Variants in ZNF474 observed in about 807,000 individuals in gnomAD.
The protein encoded by ZNF474 is zinc finger protein 474.
For synonymous variants in ZNF474, 192 were observed against 162.2 expected, an observed-to-expected ratio of 1.18 and a Z score of -1.39; for missense variants, 511 against 433.8, an observed-to-expected ratio of 1.18 and a Z score of -1.58.
At chr5:122,145,507 T>C (rs2152605818) in intron 1 of ZNF474, among the ~76,000 whole-genome samples, 1 of 152,304 alleles carries the variant, frequency 6.6e-6, no homozygotes, top group Middle Eastern at 3.4e-3. Flanking sequence ...CACTTTGCTA[T>C]GGCTTCCTCT....
At chr5:122,142,949 T>C (rs1324996268) in intron 1 of ZNF474, among the ~76,000 whole-genome samples, 1 of 152,164 alleles carries the variant, frequency 6.6e-6, no homozygotes, top group African/African-American at 2.4e-5. Context: ...GCCTGCCTTA[T>C]GGACTCTGCT....
At position 122,152,171 on chromosome 5, in the gene ZNF474, A is replaced by C; in HGVS notation, c.181A>C (p.Lys61Gln). 1.9e-6 allele frequency: 3 copies of C among 1,614,142 alleles called. No homozygotes were observed. The highest frequency in any genetic ancestry group is 2.5e-6 in the Non-Finnish European group (3 of 1,180,026). The change falls in exon 2 of 2, where the codon AAG becomes CAG. Residue 61 changes from lysine to glutamine, a missense_variant. Transcript: ENST00000296600. ...AAATATAAAGACAGACACTCAGAAA[A>C]AGAGACCTGGGACTGTGATACTATC... ...GENIKTDTQK[K>Q]RPGTVILSKL...
rs1756195131 is a variant in ZNF474, at chr5:122,152,051, A to G, written c.61A>G (p.Lys21Glu). Residue 21 changes from lysine (K) to glutamate (E), a missense_variant, in exon 2 of 2, where the codon AAA (lysine) becomes GAA (glutamate). Lys to Glu is a moderately conservative substitution (Grantham distance 56). Coordinates refer to ENST00000296600, the MANE Select transcript of ZNF474 (RefSeq NM_207317.3). ...NKLQQTFHHS[K>E]EPTFLINQAG... ...GTTACAACAAACTTTTCACCATTCT[A>G]AAGAACCCACTTTCCTTATCAACCA... 3 of 1,613,864 alleles carry G rather than the reference A, an allele frequency of 1.9e-6. No individual in the cohort carries two copies. The highest frequency in any genetic ancestry group is 1.1e-5 in the South Asian group (1 of 91,018).
chr5:122,137,133 G>T (rs1369252842), intron 1 of ZNF474, among the ~76,000 whole-genome samples: 1 of 152,130 alleles, frequency 6.6e-6, no homozygotes, highest in Non-Finnish European at 1.5e-5. Flanking sequence ...GAATGAACAT[G>T]AATGGGCATG....
chr5:122,148,060 C>T (rs867510930), intron 1 of ZNF474: 3 of 152,222 alleles, frequency 2.0e-5, no homozygotes, highest in East Asian at 1.9e-4. Context: ...AGCAACATTG[C>T]TTTATGACGT....
At chr5:122,151,000 C>T (rs376225654) in intron 1 of ZNF474, among the ~76,000 whole-genome samples, 1 of 152,058 alleles carries the variant, frequency 6.6e-6, no homozygotes, top group Admixed American at 6.5e-5. Context: ...TTATTAATAC[C>T]CTATTCCCAT....
Position 122,146,596 on chromosome 5 carries a change from G to A in ZNF474, c.-212-5183G>A, listed in dbSNP as rs539961714. 5.9e-4 allele frequency among the ~76,000 whole-genome samples: 89 copies of A among 152,064 alleles called. 1 individual carries two copies. The highest frequency in any genetic ancestry group is 1.0e-3 in the Non-Finnish European group (71 of 68,036). ...TTAGGATGAATTGTGCTAATCACCA[G>A]TATTAAAATACAGATATCTCTCAAT... On this transcript the variant is annotated intron_variant, in intron 1 of 1. Transcript: ENST00000296600.
chr5:122,151,705 A>AC (rs1554065528), intron 1 of ZNF474, 74 bp from the exon 2 acceptor site: 2 of 205,156 alleles, frequency 9.7e-6, no homozygotes, highest in Non-Finnish European at 1.9e-5. Context: ...AACAACCTAA[A>AC]TGTGTGTGTG....
Position 122,144,661 on chromosome 5 carries a change from G to A in ZNF474, c.-212-7118G>A, listed in dbSNP as rs185179144. Among the ~76,000 whole-genome samples the A allele has an allele frequency of 2.0e-4, 31 of 152,318 alleles. 1 individual carries two copies. In the East Asian group the frequency reaches 5.8e-3, roughly 28 times the overall value. On this transcript the variant is annotated intron_variant, in intron 1 of 1. Transcript: ENST00000296600. ...AAACAATATTGAAAAAGACATATTGGTATAGAGCTATCCTGTTGGAAGAAA... is the reference window on the plus strand; with the variant it reads ...AAACAATATTGAAAAAGACATATTGATATAGAGCTATCCTGTTGGAAGAAA...
Position 122,151,948 on chromosome 5 carries a change from G to A in ZNF474, c.-43G>A, listed in dbSNP as rs867632970. The stretch of plus-strand genomic sequence containing the variant: ...CTAAGCAGAAGCCCAAAGTGAGTCT[G>A]GCCTGAAATCAGAGCAAGCACTACA... On this transcript the variant is annotated 5_prime_UTR_variant, in exon 2 of 2. Transcript: ENST00000296600. 43 of 1,567,574 alleles carry A rather than the reference G, an allele frequency of 2.7e-5. 2 individuals carry two copies. The Middle Eastern group carries it at 9.5e-4, about 35-fold the overall frequency.
chr5:122,148,641 T>C (rs551734802), intron 1 of ZNF474, among the ~76,000 whole-genome samples: 1 of 152,242 alleles, frequency 6.6e-6, no homozygotes, highest in African/African-American at 2.4e-5. Context: ...TTTCTGAAGA[T>C]ATTGGTGAAA....
At chr5:122,130,287 G>T (rs1755546336) in intron 1 of ZNF474, among the ~76,000 whole-genome samples, 1 of 152,092 alleles carries the variant, frequency 6.6e-6, no homozygotes, top group African/African-American at 2.4e-5. Flanking sequence ...GGTCACCTCA[G>T]TCAGGGCACG....
chr5:122,135,576 T>C (rs1332128132), intron 1 of ZNF474, among the ~76,000 whole-genome samples: 1 of 152,154 alleles, frequency 6.6e-6, no homozygotes, highest in Admixed American at 6.5e-5. Flanking sequence ...CTATGAACAG[T>C]ATGGAAGTTC....
At chr5:122,145,346 AC>A (rs990279635) in intron 1 of ZNF474, among the ~76,000 whole-genome samples, 12 of 152,274 alleles carry the variant, frequency 7.9e-5, no homozygotes, top group African/African-American at 2.9e-4. Context: ...AGCTGCTCTC[AC>A]ATGGCCTTTC....
chr5:122,151,902 C>T lies in ZNF474; in HGVS notation c.-89C>T. On this transcript the variant is annotated 5_prime_UTR_variant, in exon 2 of 2. Coordinates refer to ENST00000296600, the MANE Select transcript of ZNF474 (RefSeq NM_207317.3). ...GGCAACGGTGTGAACCCCAGGACAA[C>T]TAACCTCACTAACCTTCACTCTAAG... is the stretch of plus-strand genomic sequence containing the variant. 1 of 1,494,228 alleles carries T rather than the reference C, an allele frequency of 6.7e-7. No homozygotes were observed. Among genetic ancestry groups the T allele is most frequent in the African/African-American group, 1.4e-5 (1 of 71,498 alleles). 92.6% of individuals were successfully genotyped at this position (1,494,228 alleles called of 1,614,324 possible).
At chr5:122,134,162 A>G (rs957141048) in intron 1 of ZNF474, among the ~76,000 whole-genome samples, 4 of 152,186 alleles carry the variant, frequency 2.6e-5, no homozygotes, top group African/African-American at 9.6e-5. Context: ...TCTAAATATC[A>G]TTGCACACAA....
chr5:122,135,674 A>G (rs545701290), intron 1 of ZNF474, among the ~76,000 whole-genome samples: 1 of 152,302 alleles, frequency 6.6e-6, no homozygotes, highest in African/African-American at 2.4e-5. Flanking sequence ...CAGTATGCCA[A>G]AGAGATATCT....
rs149122918 is a variant in ZNF474, at chr5:122,136,984, T to C, written c.-213+7301T>C. On this transcript the variant is annotated intron_variant, in intron 1 of 1. Transcript: ENST00000296600. ...AAGTAAGTCTCTATTGTCTCGAAGTTCACATGCAATTTAAAGAGATAAATA... is the reference window on the plus strand; with the variant it reads ...AAGTAAGTCTCTATTGTCTCGAAGTCCACATGCAATTTAAAGAGATAAATA... Among the ~76,000 whole-genome samples, 386 of 152,310 alleles carry C rather than the reference T, an allele frequency of 2.5e-3. 1 individual carries two copies. Among genetic ancestry groups the C allele is most frequent in the African/African-American group, 9.0e-3 (374 of 41,568 alleles).
intron 1 of ZNF474, among the ~76,000 whole-genome samples, chr5:122,136,459 C>T (rs1471473000): frequency 2.0e-5 from 3 of 152,128 alleles, no homozygotes; most frequent in Non-Finnish European, 4.4e-5. Flanking sequence ...GGCAGTGCCC[C>T]CAGCACAAGT....
Sources: allele counts gnomAD v4.1 joint callset (sites outside exome capture counted in the v4.1 genomes callset), GRCh38; gene constraint gnomAD v4.1.1; transcripts MANE v1.5; gene names NCBI Gene and HGNC (gene_info 2026-07-23, HGNC 2026-07-21).